GABRB3: variants seen among roughly 807,000 people sequenced by gnomAD.
GABRB3 encodes gamma-aminobutyric acid type A receptor subunit beta3, also known as gamma-aminobutyric acid receptor subunit beta-3.
Under a neutral mutation model 52.1 loss-of-function variants are expected in GABRB3, and 14 were observed. That is an observed-to-expected ratio of 0.27 (90% CI 0.18 to 0.42). The LOEUF (loss-of-function observed/expected upper bound fraction) is 0.42, where lower values mean the gene tolerates loss of function less well. GABRB3 is among the 10% of genes least tolerant of loss of function. The pLI is 1.00. For missense variants in GABRB3, 307 were observed against 609.1 expected, an observed-to-expected ratio of 0.50 and a Z score of 5.22; for synonymous variants, 260 against 232.3, an observed-to-expected ratio of 1.12 and a Z score of -1.08.
At chr15:26,619,848 A>T (rs9806414) in intron 4 of GABRB3, among the ~76,000 whole-genome samples, 4,068 of 151,866 alleles carry the variant, frequency 0.027, 196 homozygotes, top group African/African-American at 0.092. Context: ...ACATTACCAC[A>T]CAAAACACAC....
At chr15:26,550,983 CA>C (rs1227148129) in intron 8 of GABRB3, among the ~76,000 whole-genome samples, 1 of 152,144 alleles carries the variant, frequency 6.6e-6, no homozygotes, top group Non-Finnish European at 1.5e-5. Context: ...GCAAAAACAT[CA>C]AAAGCAAAGG....
chr15:26,588,430 C>T (rs1891074850), intron 4 of GABRB3, among the ~76,000 whole-genome samples: 1 of 152,176 alleles, frequency 6.6e-6, no homozygotes, highest in South Asian at 2.1e-4. Context: ...ATCCATTGTG[C>T]AGATGAGTGA....
chr15:26,648,620 A>C (rs978144343), intron 3 of GABRB3, among the ~76,000 whole-genome samples: 13 of 152,350 alleles, frequency 8.5e-5, no homozygotes, highest in African/African-American at 3.1e-4. Flanking sequence ...AATCCCAGGT[A>C]GCCAAGAATA....
At chr15:26,604,879 C>A (rs1023974657) in intron 4 of GABRB3, among the ~76,000 whole-genome samples, 5 of 152,040 alleles carry the variant, frequency 3.3e-5, no homozygotes, top group Admixed American at 1.3e-4. Context: ...TTGAGTGACA[C>A]CCCACAAGCC....
In GABRB3 at chr15:26,544,758, C is replaced by T. The variant is rs528165999; in HGVS notation, c.*3035G>A. ...TTCTGTAGATCTTGAGCCCCTGTGG[C>T]GCATTTTGGAAAGACAGGACTACTG... On this transcript the variant is annotated 3_prime_UTR_variant, in exon 9 of 9. Transcript: ENST00000311550. 26 of 152,510 alleles carry T rather than the reference C, an allele frequency of 1.7e-4. No homozygotes were observed. The highest frequency in any genetic ancestry group is 5.1e-4 in the African/African-American group (21 of 41,532). The allele number at this position is 152,510 out of a possible 1,614,324, so 9.4% of individuals were successfully genotyped here. A position where few individuals can be genotyped will look rare whatever the true frequency, so the allele number is the denominator to read the frequency against.
intron 3 of GABRB3, among the ~76,000 whole-genome samples, chr15:26,633,686 T>C (rs1437985104): frequency 1.3e-5 from 2 of 152,218 alleles, no homozygotes; most frequent in Non-Finnish European, 2.9e-5. Flanking sequence ...GTCTGATTGA[T>C]AACACCCAAA....
intron 3 of GABRB3, among the ~76,000 whole-genome samples, chr15:26,719,025 T>C: frequency 6.6e-6 from 1 of 152,264 alleles, no homozygotes; most frequent in East Asian, 1.9e-4. Flanking sequence ...CATCTCCTCA[T>C]GGTCCCCACC....
chr15:26,665,694 T>C (rs952984279), intron 3 of GABRB3, among the ~76,000 whole-genome samples: 9 of 152,274 alleles, frequency 5.9e-5, no homozygotes, highest in Middle Eastern at 3.4e-3. Flanking sequence ...AGTCATTTCA[T>C]CTTTCTGGGG....
At position 26,626,397 on chromosome 15, in the gene GABRB3, T is replaced by A. The variant is rs142562779; in HGVS notation, c.241-4863A>T. On this transcript the variant is annotated intron_variant, in intron 3 of 8. Transcript: ENST00000311550. ...CTAAGGGTTTAAGTGAAAGGAAGAG[T>A]CGCCCATCTCTCATGGTAAATGAAA... Among the ~76,000 whole-genome samples the A allele has an allele frequency of 8.1e-3, 1,226 of 151,844 alleles. 10 individuals carry two copies. The highest frequency in any genetic ancestry group is 0.015 in the Non-Finnish European group (992 of 67,966).
chr15:26,731,063 G>A (rs1448440681), intron 3 of GABRB3, among the ~76,000 whole-genome samples: 2 of 80,962 alleles, frequency 2.5e-5, no homozygotes, highest in South Asian at 3.6e-4. Context: ...TCTCTCACTC[G>A]CTCTCGCTCT....
At chr15:26,733,977 C>T (rs1889998249) in intron 3 of GABRB3, among the ~76,000 whole-genome samples, 1 of 148,876 alleles carries the variant, frequency 6.7e-6, no homozygotes, top group Non-Finnish European at 1.5e-5. Flanking sequence ...CAAAAATTAA[C>T]TCAAAATAGG....
intron 3 of GABRB3, chr15:26,624,411 G>C (rs1297685760): frequency 1.0e-5 from 10 of 985,334 alleles, no homozygotes; most frequent in African/African-American, 1.7e-5. Flanking sequence ...GATGTCTAGC[G>C]CCCTTCTCAG....
intron 3 of GABRB3, among the ~76,000 whole-genome samples, chr15:26,705,330 G>A (rs1386149444): frequency 6.6e-6 from 1 of 152,234 alleles, no homozygotes; most frequent in South Asian, 2.1e-4. Context: ...CCTCTTAAAG[G>A]CTACACCTCT....
At chr15:26,762,904 A>C (rs1890858773) in intron 3 of GABRB3, among the ~76,000 whole-genome samples, 2 of 152,240 alleles carry the variant, frequency 1.3e-5, no homozygotes, top group Non-Finnish European at 2.9e-5. Context: ...GGCCAAATCA[A>C]AAGAAAGATT....
intron 3 of GABRB3, among the ~76,000 whole-genome samples, chr15:26,639,551 T>A (rs1893146070): frequency 6.6e-6 from 1 of 152,158 alleles, no homozygotes; most frequent in Non-Finnish European, 1.5e-5. Flanking sequence ...GACTTGAGCA[T>A]CTTTGGGTTT....
At chr15:26,696,041 C>T (rs1888727375) in intron 3 of GABRB3, among the ~76,000 whole-genome samples, 1 of 152,126 alleles carries the variant, frequency 6.6e-6, no homozygotes, top group Admixed American at 6.5e-5. Context: ...AAACCGGAAA[C>T]AAAAAGCAAC....
At chr15:26,591,412 A>C (rs1891199724) in intron 4 of GABRB3, among the ~76,000 whole-genome samples, 1 of 152,186 alleles carries the variant, frequency 6.6e-6, no homozygotes. Context: ...TCTATATTGA[A>C]GCATAACTCC....
intron 4 of GABRB3, among the ~76,000 whole-genome samples, chr15:26,589,123 T>C (rs902222734): frequency 7.2e-5 from 11 of 152,234 alleles, no homozygotes; most frequent in African/African-American, 2.7e-4. Flanking sequence ...TTTGTCTCAG[T>C]TGTATTAAGC....
intron 3 of GABRB3, among the ~76,000 whole-genome samples, chr15:26,767,942 T>C (rs1348625118): frequency 6.6e-6 from 1 of 152,170 alleles, no homozygotes; most frequent in Admixed American, 6.5e-5. Flanking sequence ...ATCCATTTAG[T>C]AGTGATACAG....
Sources: gnomAD v4.1 joint callset for allele counts (sites outside exome capture counted in the v4.1 genomes callset) on GRCh38, gnomAD v4.1.1 for gene constraint, MANE v1.5 for transcripts, NCBI Gene and HGNC (gene_info 2026-07-23, HGNC 2026-07-21) for gene names.